CACNA2D1: variants seen among roughly 807,000 people sequenced by gnomAD.
The protein encoded by CACNA2D1 is voltage-dependent calcium channel subunit alpha-2/delta-1.
Under a neutral mutation model 171.5 loss-of-function variants are expected in CACNA2D1, and 53 were observed. The ratio of observed to expected loss-of-function variants is 0.31; its 90% CI spans 0.25 to 0.39. The LOEUF is 0.39. Among genes scored for constraint, CACNA2D1 ranks in the 10% least tolerant of loss-of-function variants. The probability of loss-of-function intolerance (pLI) is 1.00; values close to 1 mark genes in which losing one functional copy is unlikely to be tolerated. For missense variants in CACNA2D1, 903 were observed against 1,299.8 expected (o/e 0.69, Z 4.69); for synonymous variants, 442 against 443.1 (o/e 1.00, Z 0.03).
At chr7:82,079,728 A>T (rs1263180879) in intron 7 of CACNA2D1, among the ~76,000 whole-genome samples, 2 of 151,630 alleles carry the variant, frequency 1.3e-5, no homozygotes, top group Non-Finnish European at 2.9e-5. Context: ...CATAGAACAC[A>T]GAGTCTATAA....
At chr7:82,276,744 TTTTC>T (rs1052346372) in intron 3 of CACNA2D1, among the ~76,000 whole-genome samples, 2 of 136,014 alleles carry the variant, frequency 1.5e-5, no homozygotes, top group African/African-American at 5.6e-5. Context: ...CCCTTTTTCT[TTTTC>T]TTTTTCTTTT....
intron 3 of CACNA2D1, among the ~76,000 whole-genome samples, chr7:82,185,504 G>A (rs1443239586): frequency 4.8e-3 from 107 of 22,232 alleles, no homozygotes; most frequent in Non-Finnish European, 7.7e-3. Flanking sequence ...GGAGGGGAGG[G>A]GGAGGGGGAG....
chr7:82,147,550 ACATTT>A (rs1404677688), intron 4 of CACNA2D1, among the ~76,000 whole-genome samples: 3 of 152,140 alleles, frequency 2.0e-5, no homozygotes, highest in Non-Finnish European at 4.4e-5. Context: ...ATCTTCTAAA[ACATTT>A]CATTTCTTAT....
intron 3 of CACNA2D1, among the ~76,000 whole-genome samples, chr7:82,215,723 G>A (rs1167438985): frequency 1.3e-5 from 2 of 151,730 alleles, no homozygotes; most frequent in Non-Finnish European, 2.9e-5. Context: ...TCTTTTAATT[G>A]TTTCATATTT....
At chr7:82,327,924 C>G (rs1816849855) in intron 3 of CACNA2D1, among the ~76,000 whole-genome samples, 1 of 152,136 alleles carries the variant, frequency 6.6e-6, no homozygotes, top group Non-Finnish European at 1.5e-5. Flanking sequence ...AGCCCCTCAG[C>G]TCCCATTTGA....
intron 6 of CACNA2D1, among the ~76,000 whole-genome samples, 188 bp from the exon 7 acceptor site, chr7:82,085,088 A>C (rs930084239): frequency 3.9e-5 from 6 of 152,224 alleles, no homozygotes; most frequent in Non-Finnish European, 7.3e-5. Context: ...ACCAACATGT[A>C]CATAGTATTC....
intron 12 of CACNA2D1, among the ~76,000 whole-genome samples, chr7:82,030,925 G>A (rs557360057): frequency 6.6e-6 from 1 of 151,984 alleles, no homozygotes; most frequent in South Asian, 2.1e-4. Flanking sequence ...TTTAAAATAT[G>A]TGAAAGCAGC....
intron 7 of CACNA2D1, among the ~76,000 whole-genome samples, chr7:82,074,384 C>T (rs1025693170): frequency 3.0e-4 from 45 of 152,132 alleles, no homozygotes; most frequent in African/African-American, 9.9e-4. Context: ...CCCGCCATTA[C>T]GCCTGGCTAA....
intron 38 of CACNA2D1, among the ~76,000 whole-genome samples, chr7:81,955,996 T>A (rs1793282195): frequency 1.5e-5 from 2 of 133,108 alleles, no homozygotes; most frequent in South Asian, 4.8e-4. Flanking sequence ...TTTTTTTTTT[T>A]TTTTTTTTGG....
chr7:81,984,148 G>A (rs958481227), intron 22 of CACNA2D1, among the ~76,000 whole-genome samples: 2 of 152,182 alleles, frequency 1.3e-5, no homozygotes, highest in East Asian at 1.9e-4. Flanking sequence ...AAAGACCAGT[G>A]CAATTTAATT....
At chr7:82,181,511 G>T (rs1274798187) in intron 3 of CACNA2D1, among the ~76,000 whole-genome samples, 2 of 152,280 alleles carry the variant, frequency 1.3e-5, no homozygotes, top group East Asian at 3.9e-4. Context: ...AGAAACTACT[G>T]GAGTGGGCCC....
intron 7 of CACNA2D1, among the ~76,000 whole-genome samples, chr7:82,068,409 A>G (rs1293944759): frequency 6.6e-6 from 1 of 152,084 alleles, no homozygotes; most frequent in African/African-American, 2.4e-5. Flanking sequence ...TGTTAACCTC[A>G]GCCCAGGGGA....
intron 10 of CACNA2D1, among the ~76,000 whole-genome samples, chr7:82,059,944 A>G (rs1239850016): frequency 6.4e-5 from 6 of 93,636 alleles, no homozygotes; most frequent in Non-Finnish European, 2.0e-5. Flanking sequence ...GGAATTGAAC[A>G]ATGAGATCAC....
At chr7:82,065,929 C>T (rs1033842088) in intron 8 of CACNA2D1, among the ~76,000 whole-genome samples, 12 of 152,058 alleles carry the variant, frequency 7.9e-5, no homozygotes, top group African/African-American at 2.7e-4. Flanking sequence ...TCCAGTAAGT[C>T]CAATTACAAA....
chr7:82,364,582 G>A (rs1821467905), intron 1 of CACNA2D1, among the ~76,000 whole-genome samples: 1 of 152,158 alleles, frequency 6.6e-6, no homozygotes, highest in Non-Finnish European at 1.5e-5. Flanking sequence ...TATCTAAGAA[G>A]TGCATAATAT....
chr7:82,007,193 A>C (rs977145713), intron 16 of CACNA2D1, among the ~76,000 whole-genome samples: 2 of 152,134 alleles, frequency 1.3e-5, no homozygotes, highest in Non-Finnish European at 2.9e-5. Context: ...AAATAGAAAA[A>C]AAAAGAGAAA....
chr7:82,282,596 C>T (rs531760841), intron 3 of CACNA2D1, among the ~76,000 whole-genome samples: 1 of 151,568 alleles, frequency 6.6e-6, no homozygotes, highest in South Asian at 2.1e-4. Flanking sequence ...AGTAATTATC[C>T]TATTTTCTTA....
In CACNA2D1 at chr7:81,950,620, T is replaced by C. The variant is rs1792407868; in HGVS notation, c.3160-112A>G. The C allele has an allele frequency of 2.8e-6, 4 of 1,413,616 alleles. No homozygotes were observed. In the South Asian group the frequency reaches 5.5e-5, roughly 19 times the overall value. 87.6% of individuals were successfully genotyped at this position (1,413,616 alleles called of 1,614,324 possible). ...CCATATTTAGTTCACTTTCTGAACT[T>C]ACCTTATAAAACTGCTGTAATTGAA... On this transcript the variant is annotated intron_variant, in intron 38 of 38. Coordinates refer to ENST00000356860, the MANE Select transcript of CACNA2D1 (RefSeq NM_000722.4).
At chr7:82,001,585 G>T in intron 18 of CACNA2D1, 1 of 463,248 alleles carries the variant, frequency 2.2e-6, no homozygotes, top group Non-Finnish European at 4.0e-6. Context: ...TAAGCTTTAA[G>T]AACAGAAGCT....
Sources: gnomAD v4.1 joint callset for allele counts (sites outside exome capture counted in the v4.1 genomes callset) on GRCh38, gnomAD v4.1.1 for gene constraint, MANE v1.5 for transcripts, NCBI Gene and HGNC (gene_info 2026-07-23, HGNC 2026-07-21) for gene names.